AP4M1: variants seen among roughly 807,000 people sequenced by gnomAD.
The protein encoded by AP4M1 is adaptor related protein complex 4 subunit mu 1.
AP4M1 carries 58 observed loss-of-function variants against 62.4 expected under a neutral mutation model. That is an observed-to-expected ratio of 0.93 (90% CI 0.75 to 1.16). The LOEUF (loss-of-function observed/expected upper bound fraction) is 1.16. AP4M1 is among the 50% of genes most tolerant of loss of function. AP4M1 has a pLI of 0.00. For synonymous variants in AP4M1, 290 were observed against 239.7 expected (o/e 1.21, Z -1.94); for missense variants, 626 against 585.4 (o/e 1.07, Z -0.72).
At chr7:100,101,564 TGCAGGCGCCGGGTTTCCCGCGGTCCGA>T, upstream of AP4M1, 1 of 880,402 alleles carries the variant, frequency 1.1e-6, no homozygotes, top group East Asian at 2.6e-5. Flanking sequence ...GGCGGGGTAG[TGCAGGCGCCGGGTTTCCCGCGGTCCGA>T]GCTGGCGCGG....
chr7:100,106,884 G>A lies in AP4M1; in HGVS notation c.*2G>A. The A allele has an allele frequency of 6.2e-7, 1 of 1,612,076 alleles. No individual in the cohort carries two copies. The highest frequency in any genetic ancestry group is 8.5e-7 in the Non-Finnish European group (1 of 1,179,928). On this transcript the variant is annotated 3_prime_UTR_variant, in exon 15 of 15. Transcript: ENST00000359593. ...GACGCCTATGTCATTCGGATCTGAG[G>A]CTCCCCAAACGAGGACACGACGGCC... is the stretch of plus-strand genomic sequence containing the variant.
In AP4M1 at chr7:100,108,038, A is replaced by C; in HGVS notation, c.*1156A>C. On this transcript the variant is annotated 3_prime_UTR_variant, in exon 15 of 15. Coordinates refer to ENST00000359593, the MANE Select transcript of AP4M1 (RefSeq NM_004722.4). ...TGCAGACACCAGTGTCTGGACAGGA[A>C]GTGCGATGGAGCCAGGAACCTTCAG... The C allele has an allele frequency of 6.2e-7, 1 of 1,613,712 alleles. No homozygotes were observed. The highest frequency in any genetic ancestry group is 8.5e-7 in the Non-Finnish European group (1 of 1,179,934).
At chr7:100,103,106 C>G in intron 4 of AP4M1, 146 bp downstream of exon 4, 2 of 713,372 alleles carry the variant, frequency 2.8e-6, no homozygotes, top group East Asian at 5.7e-5. Context: ...GGGTCTTGCT[C>G]TGTTGCCCAG....
rs2116668165 is a variant in AP4M1 at position 100,106,260 on chromosome 7, C to G, written c.994C>G (p.Leu332Val). The change falls in exon 13 of 15, where the codon CTG becomes GTG. Residue 332 changes from leucine to valine, a missense_variant. Physicochemically the swap from Leu to Val is conservative, Grantham distance 32. Coordinates refer to ENST00000359593, the MANE Select transcript of AP4M1 (RefSeq NM_004722.4). ...CTGTAGCCAAGCCCTCAATGTCAGGCTGCACCTCCCCCTGCCTCGAGGGGT... is the reference window on the plus strand; with the variant it reads ...CTGTAGCCAAGCCCTCAATGTCAGGGTGCACCTCCCCCTGCCTCGAGGGGT... ...LSKSQALNVRLHLPLPRGVVS... is the reference protein window; with the variant it reads ...LSKSQALNVRVHLPLPRGVVS... The G allele has an allele frequency of 6.2e-7, 1 of 1,614,112 alleles. No individual in the cohort carries two copies. Among genetic ancestry groups the G allele is most frequent in the Non-Finnish European group, 8.5e-7 (1 of 1,180,026 alleles).
rs565026490 is a variant in AP4M1, at chr7:100,108,481, A to G, written c.*1599A>G. 2.5e-5 allele frequency: 40 copies of G among 1,613,940 alleles called. 1 individual carries two copies. The Middle Eastern group carries it at 9.9e-4, about 40-fold the overall frequency. ...GCCCAAGGGACCCGAATTCTGCCCGATAGGCGTCCTGATTGTCAGGCGGTG... is the reference window on the plus strand; with the variant it reads ...GCCCAAGGGACCCGAATTCTGCCCGGTAGGCGTCCTGATTGTCAGGCGGTG... On this transcript the variant is annotated 3_prime_UTR_variant, in exon 15 of 15. Coordinates refer to ENST00000359593, the MANE Select transcript of AP4M1 (RefSeq NM_004722.4).
chr7:100,104,415 T>C (rs781008134), intron 7 of AP4M1, among the ~76,000 whole-genome samples: 1 of 152,002 alleles, frequency 6.6e-6, no homozygotes, highest in Non-Finnish European at 1.5e-5. Flanking sequence ...TCCCAGCTAC[T>C]TGGGAGGCTG....
chr7:100,104,792 C>T, intron 7 of AP4M1, 82 bp from the exon 8 acceptor site: 2 of 1,535,458 alleles, frequency 1.3e-6, no homozygotes, highest in Admixed American at 1.7e-5. Flanking sequence ...GATCACGCCA[C>T]TGCCAGCCTG....
rs749996381 is a variant in AP4M1, at chr7:100,101,674, C to T, written c.-41C>T. Reference sequence around the variant, plus strand: ...TTCCGGGGCCGCAGGGCGGGGCAGGCCCGACTTTCGCCGTCTTCTTGTCTA... The same window carrying T: ...TTCCGGGGCCGCAGGGCGGGGCAGGTCCGACTTTCGCCGTCTTCTTGTCTA... On this transcript the variant is annotated 5_prime_UTR_variant, in exon 1 of 15. Transcript: ENST00000359593. The T allele has an allele frequency of 1.2e-5, 19 of 1,587,818 alleles. No homozygotes were observed. Among genetic ancestry groups the T allele is most frequent in the African/African-American group, 4.0e-5 (3 of 74,350 alleles).
rs142429364 is a variant in AP4M1, at chr7:100,106,765, G to A, written c.1245G>A (p.Thr415=). Residue 415 remains threonine (T), a synonymous_variant, in exon 15 of 15, where the codon ACG becomes ACA. Transcript: ENST00000359593. ...TCTCCTTCGAGCTTCCCCGGCACAC[G>A]TGCTCTGGCCTCCAGGTCCGATTCC... The part of the protein sequence containing the change: ...ASLSFELPRH[T]CSGLQVRFLR... 66 of 1,614,060 alleles carry A rather than the reference G, an allele frequency of 4.1e-5. No individual in the cohort carries two copies. The African/African-American group carries it at 5.2e-4, about 13-fold the overall frequency.
At position 100,106,665 on chromosome 7, in the gene AP4M1, T is replaced by C. The variant is rs1484935197; in HGVS notation, c.1145T>C (p.Val382Ala). The change falls in exon 15 of 15, where the codon GTC becomes GCC. Residue 382 changes from valine (V) to alanine (A), a missense_variant. Val to Ala is a moderately conservative substitution (Grantham distance 64). Transcript: ENST00000359593. ...TGCCTCTGCCCCTCACAGATGGACG[T>C]CCCAGGGCCCCCAGGACCTCCCAGC... The part of the protein sequence containing the change: ...SQLSGLFQMD[V>A]PGPPGPPSHG... 6 of 1,609,408 alleles carry C rather than the reference T, an allele frequency of 3.7e-6. No homozygotes were observed. Among genetic ancestry groups the C allele is most frequent in the Non-Finnish European group, 5.1e-6 (6 of 1,178,226 alleles).
chr7:100,102,445 C>A, intron 2 of AP4M1: 2 of 591,464 alleles, frequency 3.4e-6, no homozygotes, highest in South Asian at 2.0e-5. Flanking sequence ...GCCAGCAACA[C>A]ACCAGGCCCA....
In AP4M1 at chr7:100,106,792, C is replaced by A. The variant is rs370025423; in HGVS notation, c.1272C>A (p.Leu424=). The change falls in exon 15 of 15, where the codon CTC becomes CTA. Residue 424 remains leucine, a synonymous_variant. Transcript: ENST00000359593. ...GCTCTGGCCTCCAGGTCCGATTCCT[C>A]AGGCTGGCCTTCAGGCCATGCGGCA... ...HTCSGLQVRF[L]RLAFRPCGNA... 2.5e-6 allele frequency: 4 copies of A among 1,614,098 alleles called. No homozygotes were observed. Among genetic ancestry groups the A allele is most frequent in the Non-Finnish European group, 2.5e-6 (3 of 1,180,042 alleles).
chr7:100,104,131 TTGTC>T lies in AP4M1; in HGVS notation c.587_590del (p.Ser196TyrfsTer2), dbSNP rs1037696377. On this transcript the variant is annotated frameshift_variant, in exon 7 of 15. Coordinates refer to ENST00000359593, the MANE Select transcript of AP4M1 (RefSeq NM_004722.4). LOFTEE classifies it high-confidence loss of function. ...AGTTTTTTTGGATGTGGTCGAGAGA[TTGTC>T]TGTACTGATAGCATCTAATGTAAGT... 16 of 1,613,920 alleles carry T rather than the reference TTGTC, an allele frequency of 9.9e-6. No individual in the cohort carries two copies. The highest frequency in any genetic ancestry group is 1.3e-5 in the Non-Finnish European group (15 of 1,179,998).
Position 100,102,888 on chromosome 7 carries a change from C to T in AP4M1, c.279C>T (p.Tyr93=), listed in dbSNP as rs797045248. The T allele has an allele frequency of 6.2e-7, 1 of 1,614,118 alleles. No individual in the cohort carries two copies. Among genetic ancestry groups the T allele is most frequent in the Non-Finnish European group, 8.5e-7 (1 of 1,180,026 alleles). The change falls in exon 4 of 15, where the codon TAC becomes TAT. Residue 93 remains tyrosine, a synonymous_variant. Transcript: ENST00000359593. ...GGTTGGCCACCCTTCTGGGCGATTACTGTGGCTCCCTGGGCGAGGGGACCA... is the reference window on the plus strand; with the variant it reads ...GGTTGGCCACCCTTCTGGGCGATTATTGTGGCTCCCTGGGCGAGGGGACCA... The part of the protein sequence containing the change: ...LSRLATLLGD[Y]CGSLGEGTIS...
chr7:100,102,698 T>C lies in AP4M1; in HGVS notation c.171T>C (p.Ile57=), dbSNP rs755867162. ...AGCATCACCATGGCCGTCATTTCAT[T>C]CACATCAGACACAGCGGCCTCTATT... is the stretch of plus-strand genomic sequence containing the variant. ...VVMHHHGRHF[I]HIRHSGLYLV... The change falls in exon 3 of 15, where the codon ATT becomes ATC. Residue 57 remains isoleucine, a synonymous_variant. Coordinates refer to ENST00000359593, the MANE Select transcript of AP4M1 (RefSeq NM_004722.4). 1.9e-6 allele frequency: 3 copies of C among 1,614,128 alleles called. No homozygotes were observed. The East Asian group carries it at 6.7e-5, about 36-fold the overall frequency.
chr7:100,107,519 G>T lies in AP4M1; in HGVS notation c.*637G>T. ...CAGTGCTGGGGGGTGCGGTGGTGGC[G>T]GTGGAGACCAACTTGACGATGGGCT... On this transcript the variant is annotated 3_prime_UTR_variant, in exon 15 of 15. Transcript: ENST00000359593. 1 of 1,614,020 alleles carries T rather than the reference G, an allele frequency of 6.2e-7. No individual in the cohort carries two copies. The highest frequency in any genetic ancestry group is 1.1e-5 in the South Asian group (1 of 91,070).
intron 11 of AP4M1, 101 bp from the exon 12 acceptor site, chr7:100,105,858 C>T (rs1294224720): frequency 4.4e-6 from 6 of 1,374,440 alleles, no homozygotes; most frequent in Non-Finnish European, 6.2e-6. Flanking sequence ...CTTGGGAGTA[C>T]AGCCCACACC....
chr7:100,101,381 G>A (rs1796020737), upstream of AP4M1: 3 of 1,576,648 alleles, frequency 1.9e-6, no homozygotes, highest in Admixed American at 3.4e-5. Flanking sequence ...GTGGACTGTG[G>A]CCGGCCAACC....
In AP4M1 at chr7:100,108,164, TAAG is replaced by T. The variant is rs754906865; in HGVS notation, c.*1287_*1289del. ...GAAAGGGGGAAGTGGCACCATCTAC[TAAG>T]AAGAGGAGTCTGAAGGGAGAGGCCT... On this transcript the variant is annotated 3_prime_UTR_variant, in exon 15 of 15. Transcript: ENST00000359593. 3.7e-4 allele frequency: 577 copies of T among 1,555,620 alleles called. No individual in the cohort carries two copies. Among genetic ancestry groups the T allele is most frequent in the Non-Finnish European group, 4.7e-4 (538 of 1,154,014 alleles).
Sources: gnomAD v4.1 joint callset for allele counts (sites outside exome capture counted in the v4.1 genomes callset) on GRCh38, gnomAD v4.1.1 for gene constraint, MANE v1.5 for transcripts, NCBI Gene and HGNC (gene_info 2026-07-23, HGNC 2026-07-21) for gene names.